The following POLE variants were observed in gnomAD, a reference collection of about 807,000 sequenced individuals.
POLE encodes the protein DNA polymerase epsilon catalytic subunit A.
POLE carries 188 observed loss-of-function variants against 279.2 expected under a neutral mutation model. That is an observed-to-expected ratio of 0.67 (90% confidence interval 0.60 to 0.76). POLE has a LOEUF of 0.76. Among genes scored for constraint, POLE ranks in the 30% least tolerant of loss-of-function variants. POLE has a pLI of 0.00. For missense variants in POLE, 2,703 were observed against 3,016.7 expected, an observed-to-expected ratio of 0.90 and a Z score of 2.44; for synonymous variants, 1,214 against 1,172.5, an observed-to-expected ratio of 1.04 and a Z score of -0.72.
chr12:132,682,677 C>T (rs1325789975), intron 1 of POLE, among the ~76,000 whole-genome samples: 3 of 152,028 alleles, frequency 2.0e-5, no homozygotes, highest in South Asian at 2.1e-4. Context: ...GAGGGCCAGG[C>T]GCAGTGGCTC....
chr12:132,673,635 G>A lies in POLE; in HGVS notation c.1299C>T (p.Gly433=), dbSNP rs1241897422. 2 of 1,614,000 alleles carry A rather than the reference G, an allele frequency of 1.2e-6. No homozygotes were observed. The highest frequency in any genetic ancestry group is 1.7e-5 in the Admixed American group (1 of 60,032). The part of the protein sequence containing the change: ...NLKAAAKAKL[G]YDPVELDPED... Reference sequence around the variant, plus strand: ...CCGGGTCTAGCTCCACGGGATCATAGCCTAGCTTGGCCTTGGCGGCCGCCT... The same window carrying A: ...CCGGGTCTAGCTCCACGGGATCATAACCTAGCTTGGCCTTGGCGGCCGCCT... Residue 433 remains glycine, a synonymous_variant, in exon 13 of 49, where the codon GGC becomes GGT. Transcript: ENST00000320574.
chr12:132,674,079 C>T (rs1220183794), intron 12 of POLE, among the ~76,000 whole-genome samples: 1 of 152,202 alleles, frequency 6.6e-6, no homozygotes, highest in Non-Finnish European at 1.5e-5. Flanking sequence ...TCTCTCCTCA[C>T]ACTGTCCCTT....
At position 132,624,890 on chromosome 12, in the gene POLE, T is replaced by G; in HGVS notation, c.6747+15A>C. 6.2e-7 allele frequency: 1 copy of G among 1,611,992 alleles called. No individual in the cohort carries two copies. The highest frequency in any genetic ancestry group is 8.5e-7 in the Non-Finnish European group (1 of 1,178,040). On this transcript the variant is annotated intron_variant, in intron 48 of 48. Coordinates refer to ENST00000320574, the MANE Select transcript of POLE (RefSeq NM_006231.4). ...GGAGGCCAGGCTGAGCCGAGGCAGA[T>G]GAGGGAGAGCCCACCTGGGTGTGGA...
intron 41 of POLE, among the ~76,000 whole-genome samples, chr12:132,636,844 T>C (rs1339775528): frequency 6.6e-6 from 1 of 152,240 alleles, no homozygotes; most frequent in African/African-American, 2.4e-5. Context: ...AGTTTCAAAA[T>C]GCAGCTGAGT....
Position 132,632,736 on chromosome 12 carries a change from T to G in POLE, c.6064A>C (p.Ser2022Arg). 1.2e-6 allele frequency: 2 copies of G among 1,613,388 alleles called. No individual in the cohort carries two copies. The highest frequency in any genetic ancestry group is 1.7e-6 in the Non-Finnish European group (2 of 1,179,954). The change falls in exon 44 of 49, where the codon AGC becomes CGC. Residue 2022 changes from serine (S) to arginine (R), a missense_variant. By Grantham distance (110) the Ser-to-Arg change is moderately radical (BLOSUM62 -1). This residue lies in a region of POLE where 1,551 missense variants were observed against 1,686.1 expected (regional missense o/e 0.92). Coordinates refer to ENST00000320574, the MANE Select transcript of POLE (RefSeq NM_006231.4). ...GCCCCCCTCCTCCTCACGGGGGTGCTCCCTGGAGCACTGCGCCTCAGCCCG... is the reference window on the plus strand; with the variant it reads ...GCCCCCCTCCTCCTCACGGGGGTGCGCCCTGGAGCACTGCGCCTCAGCCCG... ...KDGLRRSAPG[S>R]TPVRRRGASQ...
chr12:132,680,081 G>C lies in POLE; in HGVS notation c.331-35C>G, dbSNP rs192352992. On this transcript the variant is annotated intron_variant, in intron 4 of 48. Coordinates refer to ENST00000320574, the MANE Select transcript of POLE (RefSeq NM_006231.4). ...ATCAGAATGAAAAGGCTTTCCATTG[G>C]TAAAATACATTTCCTTCCTTGCCTA... 3.0e-4 allele frequency: 475 copies of C among 1,594,530 alleles called. No homozygotes were observed. The highest frequency in any genetic ancestry group is 3.7e-4 in the Non-Finnish European group (435 of 1,162,374).
intron 1 of POLE, among the ~76,000 whole-genome samples, chr12:132,685,961 C>T (rs1000593110): frequency 2.6e-5 from 4 of 151,226 alleles, no homozygotes; most frequent in African/African-American, 9.7e-5. Flanking sequence ...CCGCAACCTC[C>T]GCCTGCCGCG....
chr12:132,664,589 G>A lies in POLE; in HGVS notation c.2469-127C>T, dbSNP rs577213755. 2.8e-5 allele frequency: 20 copies of A among 720,472 alleles called. No homozygotes were observed. Among genetic ancestry groups the A allele is most frequent in the African/African-American group, 1.6e-4 (9 of 57,816 alleles). The allele number at this position is 720,472 out of a possible 1,614,324, so 44.6% of individuals were successfully genotyped here. A position where few individuals can be genotyped will look rare whatever the true frequency, so the allele number is the denominator to read the frequency against. On this transcript the variant is annotated intron_variant, in intron 21 of 48. Coordinates refer to ENST00000320574, the MANE Select transcript of POLE (RefSeq NM_006231.4). The surrounding 1 kb of genome is among the most constrained non-coding windows in gnomAD (Gnocchi z 5.3). ...GGACAAGGGAAGCAGCCAAATGTGC[G>A]TGCACCAGGACAGAACTAAGGTGGA...
rs1242664101 is a variant in POLE at position 132,669,021 on chromosome 12, G to A, written c.1795-82C>T. 3.5e-5 allele frequency: 49 copies of A among 1,408,260 alleles called. No individual in the cohort carries two copies. In the South Asian group the frequency reaches 5.2e-4, roughly 15 times the overall value. 87.2% of individuals were successfully genotyped at this position (1,408,260 alleles called of 1,614,324 possible). On this transcript the variant is annotated intron_variant, in intron 16 of 48. Coordinates refer to ENST00000320574, the MANE Select transcript of POLE (RefSeq NM_006231.4). ...TTCACCAACCCCTTTTAGACATTCAGGAGAGGAAAAAGCTGAAAAATATAT... is the reference window on the plus strand; with the variant it reads ...TTCACCAACCCCTTTTAGACATTCAAGAGAGGAAAAAGCTGAAAAATATAT...
At chr12:132,630,257 C>T (rs2041910857) in intron 45 of POLE, among the ~76,000 whole-genome samples, 1 of 152,222 alleles carries the variant, frequency 6.6e-6, no homozygotes, top group Admixed American at 6.5e-5. Context: ...ACAAGATTCC[C>T]ACAAACCTTC....
At position 132,634,329 on chromosome 12, in the gene POLE, T is replaced by C. The variant is rs1239508295; in HGVS notation, c.5861A>G (p.Asp1954Gly). The C allele has an allele frequency of 1.2e-6, 2 of 1,614,148 alleles. No homozygotes were observed. The highest frequency in any genetic ancestry group is 1.7e-6 in the Non-Finnish European group (2 of 1,179,968). The change falls in exon 43 of 49, where the codon GAC becomes GGC. Residue 1954 changes from aspartate (D) to glycine (G), a missense_variant. Around this residue, in one of 5 missense-constraint regions of POLE, gnomAD observed 1,551 missense variants for 1,686.1 expected, o/e 0.92. Transcript: ENST00000320574. This position sits in a 1 kb window ranked among gnomAD's most constrained non-coding sequence, Gnocchi z 4.0. Reference protein sequence around the residue: ...GGAEDEQENEDDEEERDGEEE... With the variant: ...GGAEDEQENEGDEEERDGEEE... Reference sequence around the variant, plus strand: ...CTCCCCATCTCTTTCCTCCTCATCGTCCTCATTTTCCTGCTCATCCTCTGC... The same window carrying C: ...CTCCCCATCTCTTTCCTCCTCATCGCCCTCATTTTCCTGCTCATCCTCTGC...
rs1490112240 is a variant in POLE at position 132,668,148 on chromosome 12, G to A, written c.2173+208C>T. Among the ~76,000 whole-genome samples, 3 of 152,072 alleles carry A rather than the reference G, an allele frequency of 2.0e-5. No homozygotes were observed. The highest frequency in any genetic ancestry group is 4.4e-5 in the Non-Finnish European group (3 of 68,022). On this transcript the variant is annotated intron_variant, in intron 19 of 48. Transcript: ENST00000320574. This position sits in a 1 kb window ranked among gnomAD's most constrained non-coding sequence, Gnocchi z 4.0. Reference sequence around the variant, plus strand: ...ACAGGCCAAATACCCCAAGACCACAGAGCAGCAGTGTCTAACACTTGCAGA... The same window carrying A: ...ACAGGCCAAATACCCCAAGACCACAAAGCAGCAGTGTCTAACACTTGCAGA...
At position 132,634,542 on chromosome 12, in the gene POLE, G is replaced by A. The variant is rs2041998340; in HGVS notation, c.5812-164C>T. On this transcript the variant is annotated intron_variant, in intron 42 of 48. Transcript: ENST00000320574. This position sits in a 1 kb window ranked among gnomAD's most constrained non-coding sequence, Gnocchi z 4.0. ...CCTGGAGCCTGCGTGAATCCCCCAG[G>A]GTGGCTCCCAGTACAAAGTGCTTTG... is the stretch of plus-strand genomic sequence containing the variant. Among the ~76,000 whole-genome samples, 1 of 152,142 alleles carries A rather than the reference G, an allele frequency of 6.6e-6. No individual in the cohort carries two copies. The highest frequency in any genetic ancestry group is 1.5e-5 in the Non-Finnish European group (1 of 68,010).
rs1555228265 is a variant in POLE at position 132,672,654 on chromosome 12, G to A, written c.1659C>T (p.Arg553=). The change falls in exon 15 of 49, where the codon CGC becomes CGT. Residue 553 remains arginine, a synonymous_variant. Transcript: ENST00000320574. ...TCCTAAACCGGCAAGGGATATCGCT[G>A]CGGAAAACCCCAGACTCGAGGGCCT... The part of the protein sequence containing the change: ...HVEALESGVF[R]SDIPCRFRMN... 2.5e-6 allele frequency: 4 copies of A among 1,614,108 alleles called. No individual in the cohort carries two copies. Among genetic ancestry groups the A allele is most frequent in the Non-Finnish European group, 3.4e-6 (4 of 1,180,020 alleles).
Position 132,642,644 on chromosome 12 carries a change from T to C in POLE, c.4814A>G (p.Glu1605Gly). ...RLASEIPVLEEFPLVPICVAD... is the reference protein window; with the variant it reads ...RLASEIPVLEGFPLVPICVAD... ...CACACAGATAGGCACCAGTGGGAATTCCTCCAAGACAGGAATTTCACTGGC... is the reference window on the plus strand; with the variant it reads ...CACACAGATAGGCACCAGTGGGAATCCCTCCAAGACAGGAATTTCACTGGC... Residue 1605 changes from glutamate (E) to glycine (G), a missense_variant, in exon 37 of 49, where the codon GAA becomes GGA. Coordinates refer to ENST00000320574, the MANE Select transcript of POLE (RefSeq NM_006231.4). 1 of 1,613,256 alleles carries C rather than the reference T, an allele frequency of 6.2e-7. No individual in the cohort carries two copies. Among genetic ancestry groups the C allele is most frequent in the East Asian group, 2.2e-5 (1 of 44,880 alleles).
intron 1 of POLE, among the ~76,000 whole-genome samples, chr12:132,683,237 T>C (rs978614876): frequency 1.3e-5 from 2 of 151,976 alleles, no homozygotes; most frequent in African/African-American, 4.8e-5. Context: ...GAGATTCTGC[T>C]TAGCTGGGTG....
At chr12:132,633,534 A>C (rs1396663782) in intron 43 of POLE, 1 of 152,282 alleles carries the variant, frequency 6.6e-6, no homozygotes, top group East Asian at 1.9e-4. Flanking sequence ...CTCAAGGACA[A>C]GTAGACAAAA....
At chr12:132,660,269 T>C (rs2042649508) in intron 25 of POLE, 1 of 153,086 alleles carries the variant, frequency 6.5e-6, no homozygotes, top group African/African-American at 2.4e-5. Flanking sequence ...GCCCCCCACA[T>C]CCTGTAAGGA....
Position 132,681,297 on chromosome 12 carries a change from A to AC in POLE, c.63-19dup. On this transcript the variant is annotated intron_variant, in intron 1 of 48. Coordinates refer to ENST00000320574, the MANE Select transcript of POLE (RefSeq NM_006231.4). ...CATCATCCCTGAGTGAAAGAAGGGAACCCCGTGCTTAATTTGTAATGCCAC... is the reference window on the plus strand; with the variant it reads ...CATCATCCCTGAGTGAAAGAAGGGAACCCCCGTGCTTAATTTGTAATGCCAC... 6.2e-7 allele frequency: 1 copy of AC among 1,607,916 alleles called. No homozygotes were observed.
Sources: allele counts gnomAD v4.1 joint callset (sites outside exome capture counted in the v4.1 genomes callset), GRCh38; gene constraint gnomAD v4.1.1; regional missense constraint gnomAD v4.1.1; non-coding constraint Gnocchi (gnomAD v3.1); transcripts MANE v1.5; gene names NCBI Gene and HGNC (gene_info 2026-07-23, HGNC 2026-07-21).